NELL1: variants seen among roughly 807,000 people sequenced by gnomAD.
The protein encoded by NELL1 is neural EGFL like 1.
Under a neutral mutation model 107.4 loss-of-function variants are expected in NELL1, and 76 were observed. That is an observed-to-expected ratio of 0.71 (90% CI 0.59 to 0.86). NELL1 has a LOEUF of 0.86. Ranked by LOEUF, NELL1 falls within the 40% of genes least tolerant of loss-of-function variation. The pLI is 0.00. For missense variants in NELL1, 1,024 were observed against 1,005.5 expected (o/e 1.02, Z -0.25); for synonymous variants, 353 against 341.2 (o/e 1.03, Z -0.38).
At chr11:21,072,023 T>G (rs944804835) in intron 12 of NELL1, among the ~76,000 whole-genome samples, 3 of 152,088 alleles carry the variant, frequency 2.0e-5, no homozygotes, top group African/African-American at 7.2e-5. Context: ...AGCCACAATT[T>G]TCTCATTATC....
chr11:21,509,259 T>C (rs930911899), intron 15 of NELL1, among the ~76,000 whole-genome samples: 2 of 152,168 alleles, frequency 1.3e-5, no homozygotes, highest in Admixed American at 1.3e-4. Flanking sequence ...AAAAAATGTA[T>C]ACTTTTTCGT....
At chr11:21,337,453 C>G (rs1050177047) in intron 14 of NELL1, among the ~76,000 whole-genome samples, 1 of 152,154 alleles carries the variant, frequency 6.6e-6, no homozygotes, top group Non-Finnish European at 1.5e-5. Context: ...CATTTTATAG[C>G]TATGCCAAAT....
intron 2 of NELL1, among the ~76,000 whole-genome samples, chr11:20,765,297 C>T (rs1384402774): frequency 6.6e-6 from 1 of 152,192 alleles, no homozygotes; most frequent in African/African-American, 2.4e-5. Flanking sequence ...TAGGTTCATA[C>T]AGGTTCAGAA....
chr11:21,432,510 C>T (rs1945420), intron 15 of NELL1, among the ~76,000 whole-genome samples: 62,321 of 151,842 alleles, frequency 0.41, 16,171 homozygotes, highest in African/African-American at 0.73. Flanking sequence ...GATACACTTA[C>T]AGTCAAATAA....
At chr11:21,076,162 G>A (rs951626127) in intron 12 of NELL1, among the ~76,000 whole-genome samples, 1 of 152,346 alleles carries the variant, frequency 6.6e-6, no homozygotes, top group South Asian at 2.1e-4. Flanking sequence ...TAATAGAAAA[G>A]GATTGGAAGC....
intron 15 of NELL1, among the ~76,000 whole-genome samples, chr11:21,400,127 C>T (rs1034183814): frequency 2.6e-5 from 4 of 151,846 alleles, no homozygotes; most frequent in Non-Finnish European, 4.4e-5. Context: ...GAAAGTCAAC[C>T]GTCACAAAAC....
At chr11:21,039,124 G>A (rs1165823168) in intron 12 of NELL1, among the ~76,000 whole-genome samples, 1 of 152,080 alleles carries the variant, frequency 6.6e-6, no homozygotes, top group African/African-American at 2.4e-5. Context: ...ATTTGAAGGA[G>A]CTATGTTTAA....
rs1554989862 is a variant in NELL1, at chr11:21,264,071, G to GTGTGTGTGTGTGTGTGT, written c.1549+34617_1549+34618insTGTGTGTGTGTGTGTGT. Among the ~76,000 whole-genome samples, 520 of 139,522 alleles carry GTGTGTGTGTGTGTGTGT rather than the reference G, an allele frequency of 3.7e-3. 6 individuals carry two copies. The highest frequency in any genetic ancestry group is 5.9e-3 in the Non-Finnish European group (380 of 64,176). 91.5% of individuals were successfully genotyped at this position (139,522 alleles called of 152,430 possible). ...TTAGATGTCTGAAAGTCTACAATGGGGTGTGTGTGTGTGTGTGTGTGTGTG... is the reference window on the plus strand; with the variant it reads ...TTAGATGTCTGAAAGTCTACAATGGGTGTGTGTGTGTGTGTGTGTGTGTGTGTGTGTGTGTGTGTGTG... On this transcript the variant is annotated intron_variant, in intron 14 of 19. Transcript: ENST00000357134.
chr11:20,838,445 A>T (rs1848569871), intron 3 of NELL1, among the ~76,000 whole-genome samples: 1 of 151,620 alleles, frequency 6.6e-6, no homozygotes, highest in African/African-American at 2.4e-5. Context: ...GGTTCTTAAT[A>T]GGGCAGACTG....
intron 15 of NELL1, among the ~76,000 whole-genome samples, chr11:21,434,395 A>G (rs1018987104): frequency 1.3e-5 from 2 of 151,866 alleles, no homozygotes; most frequent in African/African-American, 4.8e-5. Flanking sequence ...CTCTAGTTTC[A>G]TTGTTCTTGA....
intron 15 of NELL1, among the ~76,000 whole-genome samples, chr11:21,403,599 A>C (rs1852150708): frequency 1.1e-5 from 1 of 88,676 alleles, no homozygotes; most frequent in Non-Finnish European, 2.4e-5. Flanking sequence ...AGACCTCTGT[A>C]GCTCTTCAAA....
intron 15 of NELL1, among the ~76,000 whole-genome samples, chr11:21,451,756 A>G (rs1412782429): frequency 6.6e-6 from 1 of 152,190 alleles, no homozygotes; most frequent in Non-Finnish European, 1.5e-5. Context: ...GGCTTCAGAG[A>G]CTGCTTTTCT....
chr11:21,262,016 C>T lies in NELL1; in HGVS notation c.1549+32562C>T, dbSNP rs145075374. The stretch of plus-strand genomic sequence containing the variant: ...TATCGTTTATGTTATTACGATTGTG[C>T]GTGTGCTATTGATAATCTAATCATG... On this transcript the variant is annotated intron_variant, in intron 14 of 19. Coordinates refer to ENST00000357134, the MANE Select transcript of NELL1 (RefSeq NM_006157.5). Among the ~76,000 whole-genome samples the T allele has an allele frequency of 4.5e-4, 69 of 151,858 alleles. 1 individual carries two copies. The East Asian group carries it at 0.011, about 25-fold the overall frequency.
intron 3 of NELL1, among the ~76,000 whole-genome samples, chr11:20,790,502 C>T (rs1252142699): frequency 6.6e-6 from 1 of 152,216 alleles, no homozygotes; most frequent in Non-Finnish European, 1.5e-5. Context: ...GGGGTCCTTC[C>T]CAGGTCTCCA....
chr11:21,516,248 T>C (rs769294360), intron 15 of NELL1, among the ~76,000 whole-genome samples: 2 of 152,204 alleles, frequency 1.3e-5, no homozygotes, highest in Non-Finnish European at 2.9e-5. Flanking sequence ...AGGGTTGCTA[T>C]GGTGACTAAA....
intron 15 of NELL1, among the ~76,000 whole-genome samples, chr11:21,383,258 TA>T (rs527439221): frequency 3.9e-4 from 47 of 119,620 alleles, no homozygotes; most frequent in Admixed American, 1.1e-3. Flanking sequence ...TCTGAAACGA[TA>T]AGCAGTATTC....
At chr11:21,056,204 C>T (rs1387703794) in intron 12 of NELL1, among the ~76,000 whole-genome samples, 5 of 152,132 alleles carry the variant, frequency 3.3e-5, no homozygotes, top group Non-Finnish European at 7.4e-5. Context: ...AGCCCTGGCT[C>T]CTAAAGGCTG....
intron 17 of NELL1, among the ~76,000 whole-genome samples, chr11:21,569,448 G>A (rs113205998): frequency 6.9e-6 from 1 of 144,860 alleles, no homozygotes; most frequent in African/African-American, 2.6e-5. Flanking sequence ...TTAAATACAT[G>A]GTAGAATATG....
At chr11:21,528,698 T>C (rs1049126099) in intron 15 of NELL1, among the ~76,000 whole-genome samples, 1 of 152,126 alleles carries the variant, frequency 6.6e-6, no homozygotes, top group East Asian at 1.9e-4. Flanking sequence ...ACAGTTATGT[T>C]ATCATTTAAA....
Sources: allele counts gnomAD v4.1 joint callset (sites outside exome capture counted in the v4.1 genomes callset), GRCh38; gene constraint gnomAD v4.1.1; transcripts MANE v1.5; gene names NCBI Gene and HGNC (gene_info 2026-07-23, HGNC 2026-07-21).